NRXN2: variants seen among roughly 807,000 people sequenced by gnomAD.
The protein encoded by NRXN2 is neurexin 2, also known as neurexin-2-beta.
In NRXN2, 29 loss-of-function variants were observed where a neutral mutation model predicts 128.8. The ratio of observed to expected loss-of-function variants is 0.23; its 90% CI spans 0.17 to 0.31. The LOEUF is 0.31. Among genes scored for constraint, NRXN2 ranks in the 10% least tolerant of loss-of-function variants. NRXN2 has a pLI of 1.00. For missense variants in NRXN2, 1,881 were observed against 2,452.6 expected, an observed-to-expected ratio of 0.77 and a Z score of 4.92; for synonymous variants, 1,098 against 1,075.2, an observed-to-expected ratio of 1.02 and a Z score of -0.41.
At chr11:64,690,581 A>C (rs2053674413) in intron 4 of NRXN2, 105 bp from the exon 5 acceptor site, 2 of 1,025,054 alleles carry the variant, frequency 2.0e-6, no homozygotes, top group Non-Finnish European at 3.0e-6. Context: ...TGCTGCTTGC[A>C]CGGACAGGGG....
chr11:64,625,155 TA>T (rs999667958), intron 20 of NRXN2, among the ~76,000 whole-genome samples: 5 of 152,226 alleles, frequency 3.3e-5, no homozygotes, highest in Admixed American at 6.5e-5. Flanking sequence ...CTCCTTCATC[TA>T]AACCACAATT....
chr11:64,629,619 T>C (rs895806752), intron 19 of NRXN2, among the ~76,000 whole-genome samples: 1 of 152,208 alleles, frequency 6.6e-6, no homozygotes, highest in Non-Finnish European at 1.5e-5. Flanking sequence ...GACCTTGGTT[T>C]GTCCTTGGCC....
Position 64,651,896 on chromosome 11 carries a change from C to A in NRXN2, c.2536+139G>T. 7.4e-7 allele frequency: 1 copy of A among 1,353,126 alleles called. No individual in the cohort carries two copies. The highest frequency in any genetic ancestry group is 1.0e-6 in the Non-Finnish European group (1 of 960,490). 83.8% of individuals were successfully genotyped at this position (1,353,126 alleles called of 1,614,324 possible). On this transcript the variant is annotated intron_variant, in intron 13 of 22. Transcript: ENST00000265459. The surrounding 1 kb of genome is among the most constrained non-coding windows in gnomAD (Gnocchi z 5.9). ...GGTCCAGATGCCCATAACATTCCAC[C>A]CCTGAAGGAGAAATGGCAGAGGCAG...
chr11:64,705,325 C>T (rs2056116095), intron 2 of NRXN2, among the ~76,000 whole-genome samples: 1 of 152,164 alleles, frequency 6.6e-6, no homozygotes, highest in Admixed American at 6.5e-5. Flanking sequence ...CATCTCTGAG[C>T]CTCTCTTTGA....
At chr11:64,707,065 G>A (rs2056410362) in intron 2 of NRXN2, among the ~76,000 whole-genome samples, 2 of 150,842 alleles carry the variant, frequency 1.3e-5, no homozygotes, top group African/African-American at 4.9e-5. Context: ...GCCCAGCCAT[G>A]TATCACCATT....
intron 6 of NRXN2, among the ~76,000 whole-genome samples, chr11:64,680,877 A>G (rs1429864608): frequency 1.3e-5 from 2 of 152,100 alleles, no homozygotes; most frequent in East Asian, 3.9e-4. Context: ...TAGGTGGATC[A>G]CTTGAGGTCA....
chr11:64,713,669 G>T lies in NRXN2; in HGVS notation c.31C>A (p.Pro11Thr). The change falls in exon 2 of 23, where the codon CCG (proline) becomes ACG (threonine). Residue 11 changes from proline (P) to threonine (T), a missense_variant. Around this residue, in one of 7 missense-constraint regions of NRXN2, gnomAD observed 997 missense variants for 1,240.8 expected, o/e 0.80. Transcript: ENST00000265459. Reference sequence around the variant, plus strand: ...AGCAGCAGCAACAGCAGCGGCGGCGGTGTCGGCCGCCACCGGCTCCCGGAC... The same window carrying T: ...AGCAGCAGCAACAGCAGCGGCGGCGTTGTCGGCCGCCACCGGCTCCCGGAC... MASGSRWRPT[P>T]PPLLLLLLLA... The T allele has an allele frequency of 8.5e-6, 10 of 1,174,214 alleles. No individual in the cohort carries two copies. Among genetic ancestry groups the T allele is most frequent in the Non-Finnish European group, 1.1e-5 (10 of 951,844 alleles). 72.7% of individuals were successfully genotyped at this position (1,174,214 alleles called of 1,614,324 possible). A position where few individuals can be genotyped will look rare whatever the true frequency, so the allele number is the denominator to read the frequency against.
intron 17 of NRXN2, among the ~76,000 whole-genome samples, chr11:64,642,312 T>C (rs1295761969): frequency 6.6e-6 from 1 of 150,550 alleles, no homozygotes; most frequent in Non-Finnish European, 1.5e-5. Flanking sequence ...AGCAAAGTGC[T>C]GAAGACAGAG....
At chr11:64,672,190 A>G (rs1307579261) in intron 7 of NRXN2, among the ~76,000 whole-genome samples, 1 of 152,188 alleles carries the variant, frequency 6.6e-6, no homozygotes, top group African/African-American at 2.4e-5. Context: ...CTGGAGGTGG[A>G]CACAAGGGGC....
At chr11:64,702,343 T>C (rs1434221713) in intron 2 of NRXN2, among the ~76,000 whole-genome samples, 1 of 151,686 alleles carries the variant, frequency 6.6e-6, no homozygotes, top group South Asian at 2.1e-4. Flanking sequence ...ACAATGGCGG[T>C]TTTGTAGAAT....
At chr11:64,611,768 T>A (rs762020755) in intron 22 of NRXN2, among the ~76,000 whole-genome samples, 4 of 152,120 alleles carry the variant, frequency 2.6e-5, no homozygotes, top group Non-Finnish European at 5.9e-5. Context: ...CAACCCCAGC[T>A]GCTTCCTGGT....
intron 17 of NRXN2, among the ~76,000 whole-genome samples, chr11:64,636,623 A>G (rs2044760856): frequency 6.6e-6 from 1 of 152,142 alleles, no homozygotes; most frequent in Non-Finnish European, 1.5e-5. Flanking sequence ...AGAGGGGTTC[A>G]AGGGAGGACT....
chr11:64,711,089 G>A (rs2056840463), intron 2 of NRXN2, among the ~76,000 whole-genome samples: 1 of 152,116 alleles, frequency 6.6e-6, no homozygotes, highest in Non-Finnish European at 1.5e-5. Flanking sequence ...ACAGGCAAAC[G>A]ACTCTCCCAA....
At chr11:64,616,829 CA>C (rs141776016) in intron 22 of NRXN2, among the ~76,000 whole-genome samples, 9,690 of 152,220 alleles carry the variant, frequency 0.064, 424 homozygotes, top group Non-Finnish European at 0.09. Flanking sequence ...GTGAGACACA[CA>C]ATATGTGTGC....
chr11:64,618,341 G>A (rs1374790155), intron 22 of NRXN2, among the ~76,000 whole-genome samples: 1 of 152,218 alleles, frequency 6.6e-6, no homozygotes, highest in Non-Finnish European at 1.5e-5. Flanking sequence ...TCTGCAGGGT[G>A]CAGGGAAAGC....
intron 11 of NRXN2, among the ~76,000 whole-genome samples, chr11:64,655,367 G>A (rs1029476859): frequency 1.3e-5 from 2 of 152,190 alleles, no homozygotes; most frequent in Admixed American, 6.5e-5. Flanking sequence ...AGAGAGTGCA[G>A]AGAGAAAAGA....
In NRXN2 at chr11:64,667,631, C is replaced by A. The variant is rs1565359002; in HGVS notation, c.1417G>T (p.Asp473Tyr). The A allele has an allele frequency of 6.2e-7, 1 of 1,614,212 alleles. No individual in the cohort carries two copies. The change falls in exon 9 of 23, where the codon GAC becomes TAC. Residue 473 changes from aspartate (D) to tyrosine (Y), a missense_variant. Asp to Tyr is a radical substitution (Grantham distance 160, BLOSUM62 -3). Transcript: ENST00000265459. The surrounding 1 kb of genome is among the most constrained non-coding windows in gnomAD (Gnocchi z 5.6). ...LELSRLAKEG[D>Y]PKMKLQGDLS... The stretch of plus-strand genomic sequence containing the variant: ...TCCCCCTGCAGCTTCATCTTGGGGT[C>A]CCCTTCCTTTGCCAGGCGGGATAGT...
intron 17 of NRXN2, chr11:64,642,487 C>G (rs1369554325): frequency 5.8e-6 from 9 of 1,558,070 alleles, no homozygotes; most frequent in South Asian, 3.5e-5. Flanking sequence ...ACACGGGAAG[C>G]GCCCCCCGCC....
chr11:64,688,274 G>A (rs2053344674), intron 5 of NRXN2: 7 of 985,020 alleles, frequency 7.1e-6, no homozygotes, highest in African/African-American at 1.7e-5. Flanking sequence ...GCGCCTCCAC[G>A]GGCTCCAGTC....
Sources: allele counts gnomAD v4.1 joint callset (sites outside exome capture counted in the v4.1 genomes callset), GRCh38; gene constraint gnomAD v4.1.1; regional missense constraint gnomAD v4.1.1; non-coding constraint Gnocchi (gnomAD v3.1); transcripts MANE v1.5; gene names NCBI Gene and HGNC (gene_info 2026-07-23, HGNC 2026-07-21).